SH3BGRL2: variants seen among roughly 807,000 people sequenced by gnomAD.
The protein encoded by SH3BGRL2 is SH3 domain binding glutamate rich protein like 2, also known as SH3 domain-binding glutamic acid-rich-like protein 2.
Under a neutral mutation model 14.8 loss-of-function variants are expected in SH3BGRL2, and 21 were observed. The observed-to-expected ratio is 1.42, with a 90% CI of 1.01 to 2.05. The LOEUF (loss-of-function observed/expected upper bound fraction) is 2.05. SH3BGRL2 is among the 30% of genes most tolerant of loss of function. SH3BGRL2 has a pLI of 0.00. For missense variants in SH3BGRL2, 147 were observed against 130.8 expected (o/e 1.12, Z -0.61); for synonymous variants, 50 against 47.8 (o/e 1.05, Z -0.19).
intron 2 of SH3BGRL2, among the ~76,000 whole-genome samples, chr6:79,691,374 C>G (rs569493231): frequency 1.1e-3 from 168 of 150,796 alleles, no homozygotes; most frequent in African/African-American, 3.9e-3. Flanking sequence ...TATTATTATA[C>G]TTTAAGTTTT....
chr6:79,595,152 G>A, the SH3BGRL2 span, among the ~76,000 whole-genome samples: 1 of 152,184 alleles, frequency 6.6e-6, no homozygotes, highest in African/African-American at 2.4e-5. Flanking sequence ...TGGGCATAGC[G>A]GCCCATGCCT....
chr6:79,674,039 G>A (rs1342859012), intron 2 of SH3BGRL2, among the ~76,000 whole-genome samples: 1 of 152,046 alleles, frequency 6.6e-6, no homozygotes, highest in African/African-American at 2.4e-5. Flanking sequence ...CTGTCAATCT[G>A]AGCTCTGTCT....
At chr6:79,649,441 G>T (rs1372232960) in intron 1 of SH3BGRL2, among the ~76,000 whole-genome samples, 1 of 152,084 alleles carries the variant, frequency 6.6e-6, no homozygotes, top group Non-Finnish European at 1.5e-5. Flanking sequence ...TTTGTGTTTG[G>T]CAGGGTGAGC....
chr6:79,683,039 A>T, intron 2 of SH3BGRL2, among the ~76,000 whole-genome samples: 1 of 152,168 alleles, frequency 6.6e-6, no homozygotes, highest in Non-Finnish European at 1.5e-5. Context: ...ATCACACACC[A>T]GGGCCTGTCG....
upstream of SH3BGRL2, among the ~76,000 whole-genome samples, chr6:79,630,472 A>C (rs1054608089): frequency 3.3e-5 from 5 of 152,186 alleles, no homozygotes; most frequent in Non-Finnish European, 7.3e-5. Context: ...AACTATTCCT[A>C]AACTATTAGC....
chr6:79,636,172 G>A (rs998151861), intron 1 of SH3BGRL2, among the ~76,000 whole-genome samples: 2 of 152,202 alleles, frequency 1.3e-5, no homozygotes, highest in Non-Finnish European at 2.9e-5. Flanking sequence ...AGAGACTGAA[G>A]CAAGCTGACC....
rs144084124 is a variant in SH3BGRL2, at chr6:79,641,483, C to G, written c.45+9977C>G. ...GCTATGGCAATCTATCATTAGAGAA[C>G]AGTGTTATGGTTAAGGCGGGGGCTG... On this transcript the variant is annotated intron_variant, in intron 1 of 3. Transcript: ENST00000369838. Among the ~76,000 whole-genome samples the G allele has an allele frequency of 5.0e-3, 758 of 152,250 alleles. 6 individuals are homozygous for G. Among genetic ancestry groups the G allele is most frequent in the South Asian group, 0.02 (95 of 4,814 alleles).
the SH3BGRL2 span, among the ~76,000 whole-genome samples, chr6:79,599,517 C>G: frequency 6.6e-6 from 1 of 152,006 alleles, no homozygotes; most frequent in African/African-American, 2.4e-5. Flanking sequence ...ATTACAGGTG[C>G]CTGCTGCCAT....
At chr6:79,590,426 TATATATATATATATATATATA>T in the SH3BGRL2 span, among the ~76,000 whole-genome samples, 34 of 55,922 alleles carry the variant, frequency 6.1e-4, no homozygotes, top group Non-Finnish European at 9.0e-4. Flanking sequence ...GAAAATGTGA[TATATATATATATATATATATA>T]TATATATATA....
At chr6:79,655,644 T>C (rs531847272) in intron 1 of SH3BGRL2, among the ~76,000 whole-genome samples, 93 of 152,326 alleles carry the variant, frequency 6.1e-4, no homozygotes, top group Non-Finnish European at 8.5e-4. Flanking sequence ...TCTGTCTACA[T>C]GGTCACCTAT....
chr6:79,659,917 C>CACTTT (rs1403033416), intron 1 of SH3BGRL2, among the ~76,000 whole-genome samples: 5 of 151,966 alleles, frequency 3.3e-5, no homozygotes, highest in Non-Finnish European at 7.4e-5. Context: ...AATGGGAGTT[C>CACTTT]ACTCGTGATT....
At chr6:79,644,824 G>T (rs565550032) in intron 1 of SH3BGRL2, among the ~76,000 whole-genome samples, 1 of 152,082 alleles carries the variant, frequency 6.6e-6, no homozygotes, top group Non-Finnish European at 1.5e-5. Flanking sequence ...GAGCTATAAA[G>T]ATTTAATTAA....
chr6:79,561,358 C>A, the SH3BGRL2 span: 1 of 151,784 alleles, frequency 6.6e-6, no homozygotes, highest in East Asian at 1.9e-4. Flanking sequence ...ATTTTGTGTA[C>A]GTGTTAGAGT....
chr6:79,545,189 C>A, the SH3BGRL2 span, among the ~76,000 whole-genome samples: 3 of 152,142 alleles, frequency 2.0e-5, no homozygotes, highest in South Asian at 6.2e-4. Flanking sequence ...TTGAGAGTTC[C>A]TCCCCTTCTC....
At chr6:79,634,488 G>A (rs79520671) in intron 1 of SH3BGRL2, among the ~76,000 whole-genome samples, 2,580 of 152,234 alleles carry the variant, frequency 0.017, 71 homozygotes, top group African/African-American at 0.059. Context: ...TTCCTGAAAG[G>A]GGAAGTCTTA....
rs1768844697 is a variant in SH3BGRL2 at position 79,632,550 on chromosome 6, A to C, written c.45+1044A>C. ...AGATTGTTCCAAAATTTGTTTCTTAAGTGGGTGGAGTGGAGGATGGAATAA... is the reference window on the plus strand; with the variant it reads ...AGATTGTTCCAAAATTTGTTTCTTACGTGGGTGGAGTGGAGGATGGAATAA... On this transcript the variant is annotated intron_variant, in intron 1 of 3. Coordinates refer to ENST00000369838, the MANE Select transcript of SH3BGRL2 (RefSeq NM_031469.4). 2.6e-5 allele frequency among the ~76,000 whole-genome samples: 4 copies of C among 152,336 alleles called. No individual in the cohort carries two copies. In the East Asian group the frequency reaches 7.7e-4, roughly 29 times the overall value.
chr6:79,560,844 A>G, the SH3BGRL2 span, among the ~76,000 whole-genome samples: 1 of 151,064 alleles, frequency 6.6e-6, no homozygotes, highest in Non-Finnish European at 1.5e-5. Flanking sequence ...TGGAAGAAAT[A>G]AAATTAATGT....
chr6:79,589,569 A>G, the SH3BGRL2 span, among the ~76,000 whole-genome samples: 4 of 152,120 alleles, frequency 2.6e-5, no homozygotes. Context: ...TATGGATGCA[A>G]TAGGTTCATT....
At chr6:79,601,530 A>G in the SH3BGRL2 span, among the ~76,000 whole-genome samples, 1 of 152,104 alleles carries the variant, frequency 6.6e-6, no homozygotes, top group Non-Finnish European at 1.5e-5. Flanking sequence ...AGAAATATAT[A>G]TTTTTAATTT....
Sources: allele counts gnomAD v4.1 joint callset (sites outside exome capture counted in the v4.1 genomes callset), GRCh38; gene constraint gnomAD v4.1.1; transcripts MANE v1.5; gene names NCBI Gene and HGNC (gene_info 2026-07-23, HGNC 2026-07-21).